Variants in ZNF804B observed in about 807,000 individuals in gnomAD.
The protein encoded by ZNF804B is zinc finger 804B.
A neutral mutation model predicts 101.4 loss-of-function variants in ZNF804B; 80 were observed. That is an observed-to-expected ratio of 0.79 (90% CI 0.66 to 0.95). The LOEUF (loss-of-function observed/expected upper bound fraction) is 0.95, where lower values mean the gene tolerates loss of function less well. ZNF804B is among the 40% of genes least tolerant of loss of function. The probability of loss-of-function intolerance (pLI) is 0.00; values close to 1 mark genes in which losing one functional copy is unlikely to be tolerated. For missense variants in ZNF804B, 1,673 were observed against 1,561.9 expected (o/e 1.07, Z -1.20); for synonymous variants, 622 against 558.8 (o/e 1.11, Z -1.59).
intron 1 of ZNF804B, among the ~76,000 whole-genome samples, chr7:89,130,126 A>C (rs1790526775): frequency 6.6e-6 from 1 of 151,952 alleles, no homozygotes; most frequent in African/African-American, 2.4e-5. Flanking sequence ...AATGAAACAG[A>C]AAAGACTACT....
chr7:88,898,026 T>C (rs1792333850), intron 1 of ZNF804B, among the ~76,000 whole-genome samples: 1 of 149,216 alleles, frequency 6.7e-6, no homozygotes, highest in Non-Finnish European at 1.5e-5. Context: ...GAATTTATTA[T>C]CCAAACTCTC....
At chr7:89,187,990 C>T (rs540211909) in intron 1 of ZNF804B, among the ~76,000 whole-genome samples, 1 of 152,184 alleles carries the variant, frequency 6.6e-6, no homozygotes, top group South Asian at 2.1e-4. Flanking sequence ...ACTTATACCA[C>T]ATTTGCTTGT....
At chr7:89,221,901 C>G (rs936168351) in intron 2 of ZNF804B, among the ~76,000 whole-genome samples, 20 of 152,094 alleles carry the variant, frequency 1.3e-4, no homozygotes, top group Admixed American at 1.2e-3. Context: ...AAAAGCGACA[C>G]ATTTGGCTTC....
chr7:89,192,056 T>G (rs949671416), intron 1 of ZNF804B, among the ~76,000 whole-genome samples: 2 of 152,142 alleles, frequency 1.3e-5, no homozygotes, highest in African/African-American at 4.8e-5. Flanking sequence ...AATGGGAGCT[T>G]AAGGATTCTT....
intron 2 of ZNF804B, among the ~76,000 whole-genome samples, chr7:89,270,692 C>T (rs933047807): frequency 1.3e-5 from 2 of 152,172 alleles, no homozygotes; most frequent in Non-Finnish European, 2.9e-5. Flanking sequence ...TTCTTCCTAT[C>T]CATGAGCATG....
intron 2 of ZNF804B, among the ~76,000 whole-genome samples, chr7:89,223,555 A>G (rs189612521): frequency 6.5e-4 from 99 of 151,854 alleles, no homozygotes; most frequent in African/African-American, 2.3e-3. Context: ...ATTTAAATGA[A>G]TTCCATTGGA....
intron 1 of ZNF804B, among the ~76,000 whole-genome samples, chr7:88,894,664 C>A (rs947168829): frequency 5.3e-5 from 8 of 151,994 alleles, no homozygotes; most frequent in Non-Finnish European, 1.0e-4. Context: ...TGATAAAATA[C>A]TATTCAATGA....
intron 1 of ZNF804B, chr7:88,794,331 T>C (rs780889651): frequency 1.9e-6 from 3 of 1,613,916 alleles, no homozygotes; most frequent in Non-Finnish European, 2.5e-6. Context: ...GTAGGTCAGG[T>C]GCAACTTGGT....
chr7:88,993,583 A>G (rs1793878685), intron 1 of ZNF804B, among the ~76,000 whole-genome samples: 1 of 152,048 alleles, frequency 6.6e-6, no homozygotes, highest in Non-Finnish European at 1.5e-5. Context: ...TCCTCTTCCA[A>G]TTACTTTCTA....
intron 2 of ZNF804B, among the ~76,000 whole-genome samples, chr7:89,304,437 T>C (rs1319273907): frequency 6.6e-6 from 1 of 151,972 alleles, no homozygotes; most frequent in African/African-American, 2.4e-5. Context: ...CCTTGCTTGT[T>C]TAACTTATCT....
chr7:88,819,091 C>A (rs182360251), intron 1 of ZNF804B, among the ~76,000 whole-genome samples: 2 of 152,006 alleles, frequency 1.3e-5, no homozygotes, highest in African/African-American at 4.8e-5. Context: ...CATTGTGATA[C>A]CCTGTGAAAG....
chr7:88,856,880 G>T (rs747359410), intron 1 of ZNF804B, among the ~76,000 whole-genome samples: 4 of 152,118 alleles, frequency 2.6e-5, no homozygotes, highest in Admixed American at 1.3e-4. Flanking sequence ...GTTTTTTGTC[G>T]TTGGTTCTGT....
chr7:89,256,071 A>T (rs1376373151), intron 2 of ZNF804B, among the ~76,000 whole-genome samples: 1 of 152,202 alleles, frequency 6.6e-6, no homozygotes, highest in Non-Finnish European at 1.5e-5. Flanking sequence ...GATTTTAATG[A>T]TAAGAAACAC....
intron 1 of ZNF804B, among the ~76,000 whole-genome samples, chr7:88,847,386 T>G (rs1791390384): frequency 6.6e-6 from 1 of 152,060 alleles, no homozygotes; most frequent in Admixed American, 6.6e-5. Flanking sequence ...GATCCGTTTT[T>G]TAAAAAATAT....
Position 89,334,109 on chromosome 7 carries a change from G to A in ZNF804B, c.1127G>A (p.Ser376Asn), listed in dbSNP as rs1791032560. The part of the protein sequence containing the change: ...SFSPPNIYNH[S>N]DARISECLDE... ...AGCCCACCAAACATTTACAACCATA[G>A]TGATGCCAGGATATCTGAATGCCTG... Residue 376 changes from serine (S) to asparagine (N), a missense_variant, in exon 4 of 4, where the codon AGT becomes AAT. By Grantham distance (46) the Ser-to-Asn change is conservative. Coordinates refer to ENST00000333190, the MANE Select transcript of ZNF804B (RefSeq NM_181646.5). 2.5e-6 allele frequency: 4 copies of A among 1,613,566 alleles called. No homozygotes were observed. Among genetic ancestry groups the A allele is most frequent in the Middle Eastern group, 3.3e-4 (2 of 6,084 alleles).
intron 2 of ZNF804B, among the ~76,000 whole-genome samples, chr7:89,305,103 T>A (rs1332386356): frequency 6.6e-6 from 1 of 152,004 alleles, no homozygotes; most frequent in African/African-American, 2.4e-5. Flanking sequence ...TAACAGCATT[T>A]ATGTCATAGT....
chr7:88,874,397 A>G (rs1791889867), intron 1 of ZNF804B, among the ~76,000 whole-genome samples: 1 of 151,582 alleles, frequency 6.6e-6, no homozygotes, highest in South Asian at 2.1e-4. Context: ...TTCTAGATAT[A>G]CAATCATGTC....
intron 1 of ZNF804B, among the ~76,000 whole-genome samples, chr7:89,069,072 T>G (rs1213513429): frequency 6.6e-6 from 1 of 152,210 alleles, no homozygotes; most frequent in Non-Finnish European, 1.5e-5. Context: ...TAAAATCAGT[T>G]GTGACCTTAC....
intron 1 of ZNF804B, among the ~76,000 whole-genome samples, chr7:88,764,576 C>T (rs1037020680): frequency 7.2e-5 from 11 of 152,134 alleles, no homozygotes; most frequent in African/African-American, 2.7e-4. Flanking sequence ...AAATGTATAT[C>T]TATAAATGAA....
Sources: gnomAD v4.1 joint callset for allele counts (sites outside exome capture counted in the v4.1 genomes callset) on GRCh38, gnomAD v4.1.1 for gene constraint, MANE v1.5 for transcripts, NCBI Gene and HGNC (gene_info 2026-07-23, HGNC 2026-07-21) for gene names.